Variants in CMSS1 observed in about 807,000 individuals in gnomAD.
CMSS1 encodes the protein protein CMSS1.
Under a neutral mutation model 43.5 loss-of-function variants are expected in CMSS1, and 33 were observed. That is an observed-to-expected ratio of 0.76 (90% CI 0.57 to 1.01). CMSS1 has a LOEUF of 1.01. CMSS1 is among the 50% of genes least tolerant of loss of function. The probability of loss-of-function intolerance (pLI) is 0.00; values close to 1 mark genes in which losing one functional copy is unlikely to be tolerated. For synonymous variants in CMSS1, 115 were observed against 117.2 expected, an observed-to-expected ratio of 0.98 and a Z score of 0.12; for missense variants, 313 against 326.4, an observed-to-expected ratio of 0.96 and a Z score of 0.32.
chr3:99,838,713 T>C (rs946531090), intron 1 of CMSS1, among the ~76,000 whole-genome samples: 2 of 152,206 alleles, frequency 1.3e-5, no homozygotes, highest in African/African-American at 2.4e-5. Context: ...TTTTGTGACA[T>C]ACTAACAGAA....
At chr3:100,096,542 TTGTAGG>T (rs2066212321) in intron 1 of CMSS1, among the ~76,000 whole-genome samples, 1 of 152,078 alleles carries the variant, frequency 6.6e-6, no homozygotes, top group Non-Finnish European at 1.5e-5. Flanking sequence ...TCTGACTTAT[TTGTAGG>T]ATGTAGAAAT....
chr3:99,969,663 C>T (rs544428822), intron 1 of CMSS1, among the ~76,000 whole-genome samples: 1 of 152,172 alleles, frequency 6.6e-6, no homozygotes, highest in East Asian at 1.9e-4. Context: ...CACGGGGAGC[C>T]TGGAAGGATC....
chr3:100,080,324 A>G (rs772408695), intron 1 of CMSS1, among the ~76,000 whole-genome samples: 4 of 102,090 alleles, frequency 3.9e-5, no homozygotes, highest in African/African-American at 8.5e-5. Context: ...TAAGAGGGGG[A>G]AAAAAAAATT....
chr3:100,115,988 A>T (rs367614634), intron 1 of CMSS1, among the ~76,000 whole-genome samples: 3 of 152,174 alleles, frequency 2.0e-5, no homozygotes, highest in East Asian at 3.8e-4. Flanking sequence ...CGTTTTGTAG[A>T]ATGTTCCTTA....
rs775900926 is a variant in CMSS1, at chr3:100,160,492, A to G, written c.216A>G (p.Lys72=). The G allele has an allele frequency of 2.0e-6, 3 of 1,481,044 alleles. No homozygotes were observed. The highest frequency in any genetic ancestry group is 4.5e-5 in the East Asian group (2 of 44,024). The allele number at this position is 1,481,044 out of a possible 1,614,324, so 91.7% of individuals were successfully genotyped here. The change falls in exon 3 of 10, where the codon AAA becomes AAG. Residue 72 remains lysine (K), a synonymous_variant. Coordinates refer to ENST00000421999, the MANE Select transcript of CMSS1 (RefSeq NM_032359.4). The part of the protein sequence containing the change: ...ERKENTTKTR[K]RRKKKITDVL... ...AAGAGAATACCACCAAGACCAGGAA[A>G]AGAAGAAAGGTAATATTAATAATTT... is the stretch of plus-strand genomic sequence containing the variant.
intron 1 of CMSS1, among the ~76,000 whole-genome samples, chr3:100,003,122 CACTT>C (rs1709890285): frequency 6.6e-6 from 1 of 152,202 alleles, no homozygotes; most frequent in Non-Finnish European, 1.5e-5. Context: ...TGTAGCCTCA[CACTT>C]ACCTCACCCT....
At position 100,114,880 on chromosome 3, in the gene CMSS1, G is replaced by A. The variant is rs564681274; in HGVS notation, c.65-32093G>A. ...ATAACCCAAGGCACTGTAAACATTC[G>A]CTATTATTAACGCTGTGTTGGACTC... is the stretch of plus-strand genomic sequence containing the variant. On this transcript the variant is annotated intron_variant, in intron 1 of 9. Transcript: ENST00000421999. 9.5e-6 allele frequency: 11 copies of A among 1,158,526 alleles called. No homozygotes were observed. The South Asian group carries it at 1.1e-4, about 11-fold the overall frequency. The allele number at this position is 1,158,526 out of a possible 1,614,324, so 71.8% of individuals were successfully genotyped here. A position where few individuals can be genotyped will look rare whatever the true frequency, so the allele number is the denominator to read the frequency against.
At chr3:99,992,119 G>A (rs1275977515) in intron 1 of CMSS1, among the ~76,000 whole-genome samples, 1 of 151,566 alleles carries the variant, frequency 6.6e-6, no homozygotes, top group Non-Finnish European at 1.5e-5. Flanking sequence ...GCATTGTGCT[G>A]TGATAAAAAT....
At chr3:99,912,762 C>G (rs2107640921) in intron 1 of CMSS1, among the ~76,000 whole-genome samples, 1 of 152,270 alleles carries the variant, frequency 6.6e-6, no homozygotes, top group Non-Finnish European at 1.5e-5. Flanking sequence ...AGTTGATGGA[C>G]ATTTGGGTTG....
At chr3:99,956,429 T>C (rs1708320832) in intron 1 of CMSS1, among the ~76,000 whole-genome samples, 1 of 152,216 alleles carries the variant, frequency 6.6e-6, no homozygotes, top group Admixed American at 6.6e-5. Flanking sequence ...CTTGGCTCAC[T>C]GCAAACTACG....
chr3:99,879,158 C>G (rs1240839111), intron 1 of CMSS1, among the ~76,000 whole-genome samples: 1 of 152,178 alleles, frequency 6.6e-6, no homozygotes, highest in East Asian at 1.9e-4. Context: ...TAAATCAGCA[C>G]TAGCTTTAAA....
At chr3:99,898,231 T>C (rs1412257714) in intron 1 of CMSS1, 2 of 152,208 alleles carry the variant, frequency 1.3e-5, no homozygotes, top group African/African-American at 4.8e-5. Flanking sequence ...TATCTTTATA[T>C]TGTAGGTAGC....
chr3:99,924,138 G>A (rs1707212056), intron 1 of CMSS1: 1 of 1,035,658 alleles, frequency 9.7e-7, no homozygotes, highest in Non-Finnish European at 1.4e-6. Context: ...AACAGAGACT[G>A]TGTCATATTT....
At chr3:100,089,276 A>G (rs1330509022) in intron 1 of CMSS1, among the ~76,000 whole-genome samples, 2 of 152,188 alleles carry the variant, frequency 1.3e-5, no homozygotes, top group Admixed American at 6.5e-5. Flanking sequence ...CCCTACAGGA[A>G]GTATTTTATT....
At chr3:100,074,190 C>A (rs920954855) in intron 1 of CMSS1, among the ~76,000 whole-genome samples, 1 of 152,168 alleles carries the variant, frequency 6.6e-6, no homozygotes, top group Non-Finnish European at 1.5e-5. Flanking sequence ...GTTTATCCTG[C>A]AGTGGAGTCC....
chr3:99,886,986 T>C (rs1409458651), intron 1 of CMSS1, among the ~76,000 whole-genome samples: 10 of 144,540 alleles, frequency 6.9e-5, no homozygotes, highest in African/African-American at 2.3e-4. Context: ...AAAAAAAAAG[T>C]ACTGGCCGGG....
chr3:100,136,767 C>T (rs1224014453), intron 1 of CMSS1, among the ~76,000 whole-genome samples: 1 of 152,180 alleles, frequency 6.6e-6, no homozygotes, highest in East Asian at 1.9e-4. Context: ...ATGAGAGATA[C>T]ACTTACAGGC....
intron 1 of CMSS1, among the ~76,000 whole-genome samples, chr3:99,823,527 A>G (rs1295627103): frequency 6.6e-6 from 1 of 152,184 alleles, no homozygotes; most frequent in Non-Finnish European, 1.5e-5. Context: ...CCTCGAAAAC[A>G]TATCCTGATT....
intron 1 of CMSS1, chr3:99,849,683 T>G: frequency 6.2e-7 from 1 of 1,613,532 alleles, no homozygotes; most frequent in Non-Finnish European, 8.5e-7. Context: ...TCTCGTTCAT[T>G]AGCATACCTT....
Sources: gnomAD v4.1 joint callset for allele counts (sites outside exome capture counted in the v4.1 genomes callset) on GRCh38, gnomAD v4.1.1 for gene constraint, MANE v1.5 for transcripts, NCBI Gene and HGNC (gene_info 2026-07-23, HGNC 2026-07-21) for gene names.